Variants in LRRC4C observed in about 807,000 individuals in gnomAD.
The protein encoded by LRRC4C is leucine rich repeat containing 4C.
LRRC4C carries 5 observed loss-of-function variants against 33.6 expected under a neutral mutation model. The observed-to-expected ratio is 0.15, with a 90% confidence interval of 0.08 to 0.31. The LOEUF is 0.31. Among genes scored for constraint, LRRC4C ranks in the 10% least tolerant of loss-of-function variants. The pLI, the probability that LRRC4C is intolerant of heterozygous loss-of-function variation, is 1.00. For synonymous variants in LRRC4C, 329 were observed against 302.0 expected (o/e 1.09, Z -0.93); for missense variants, 560 against 796.7 (o/e 0.70, Z 3.58).
At chr11:40,250,516 G>A (rs761491893) in intron 4 of LRRC4C, among the ~76,000 whole-genome samples, 24 of 151,728 alleles carry the variant, frequency 1.6e-4, no homozygotes, top group Non-Finnish European at 3.1e-4. Flanking sequence ...AAGTAGGGTG[G>A]GTCACTTGAA....
At chr11:40,183,362 G>GA (rs1189019265) in intron 5 of LRRC4C, among the ~76,000 whole-genome samples, 9 of 152,182 alleles carry the variant, frequency 5.9e-5, no homozygotes, top group Non-Finnish European at 8.8e-5. Context: ...CTGTTTGGGG[G>GA]AAAAAATAAC....
intron 3 of LRRC4C, among the ~76,000 whole-genome samples, chr11:40,633,897 T>C (rs150030815): frequency 6.0e-4 from 91 of 152,332 alleles, no homozygotes; most frequent in African/African-American, 2.2e-3. Context: ...AAAAATGAAA[T>C]ACATATATGT....
At chr11:40,654,017 C>T (rs1410534200) in intron 2 of LRRC4C, among the ~76,000 whole-genome samples, 1 of 152,166 alleles carries the variant, frequency 6.6e-6, no homozygotes, top group Non-Finnish European at 1.5e-5. Flanking sequence ...TGGTATTGAT[C>T]CTGAGGGTGC....
At chr11:41,029,162 G>A (rs16935303) in intron 1 of LRRC4C, among the ~76,000 whole-genome samples, 14,319 of 151,740 alleles carry the variant, frequency 0.094, 729 homozygotes, top group African/African-American at 0.12. Context: ...ACTACATTAC[G>A]ATTGAATAGA....
intron 1 of LRRC4C, among the ~76,000 whole-genome samples, chr11:41,100,507 G>T (rs1941105596): frequency 6.6e-6 from 1 of 152,026 alleles, no homozygotes; most frequent in Non-Finnish European, 1.5e-5. Context: ...GTGGAGGTTT[G>T]CAGTGAGCTG....
chr11:40,465,428 A>C (rs1202289072), intron 3 of LRRC4C, among the ~76,000 whole-genome samples: 1 of 152,030 alleles, frequency 6.6e-6, no homozygotes, highest in African/African-American at 2.4e-5. Flanking sequence ...AGACCCTAAA[A>C]GCAAATGCAA....
chr11:41,345,569 C>T (rs905753627), intron 1 of LRRC4C, among the ~76,000 whole-genome samples: 1 of 152,096 alleles, frequency 6.6e-6, no homozygotes, highest in African/African-American at 2.4e-5. Context: ...TTCCCATAGC[C>T]TATTATCTAT....
intron 5 of LRRC4C, among the ~76,000 whole-genome samples, chr11:40,219,459 C>T (rs184635694): frequency 5.5e-4 from 84 of 152,176 alleles, no homozygotes; most frequent in Non-Finnish European, 1.5e-5. Context: ...CTGCTTTATC[C>T]CGAGTACTTA....
At chr11:40,815,588 T>A (rs577934064) in intron 2 of LRRC4C, among the ~76,000 whole-genome samples, 2 of 152,284 alleles carry the variant, frequency 1.3e-5, no homozygotes, top group South Asian at 4.1e-4. Flanking sequence ...CCCATACTTT[T>A]AAAAAATTTC....
At chr11:40,748,990 A>C (rs191472824) in intron 2 of LRRC4C, among the ~76,000 whole-genome samples, 2 of 152,124 alleles carry the variant, frequency 1.3e-5, no homozygotes, top group African/African-American at 4.8e-5. Flanking sequence ...TAAAGCAAAT[A>C]ATACTACATC....
intron 1 of LRRC4C, among the ~76,000 whole-genome samples, chr11:41,439,166 A>T (rs967300547): frequency 1.3e-5 from 2 of 152,166 alleles, no homozygotes; most frequent in African/African-American, 2.4e-5. Context: ...CACGTAGGAT[A>T]ATGGTCTCCA....
Position 40,452,464 on chromosome 11 carries a change from A to G in LRRC4C, c.-269-132743T>C, listed in dbSNP as rs1285803646. On this transcript the variant is annotated intron_variant, in intron 3 of 6. Coordinates refer to ENST00000528697, the MANE Select transcript of LRRC4C (RefSeq NM_001258419.2). Reference sequence around the variant, plus strand: ...ATCACTGGCCATCAAAGAAATGCAAATCAAAACCACAATGAGATACCATCT... The same window carrying G: ...ATCACTGGCCATCAAAGAAATGCAAGTCAAAACCACAATGAGATACCATCT... Among the ~76,000 whole-genome samples the G allele has an allele frequency of 5.9e-5, 9 of 152,234 alleles. No individual in the cohort carries two copies. The East Asian group carries it at 1.7e-3, about 29-fold the overall frequency.
At chr11:41,412,332 AG>A (rs1954519358) in intron 1 of LRRC4C, among the ~76,000 whole-genome samples, 1 of 152,318 alleles carries the variant, frequency 6.6e-6, no homozygotes, top group South Asian at 2.1e-4. Context: ...TTTAGAGATT[AG>A]GTGATGTTTT....
chr11:41,012,163 C>T (rs1855249246), intron 1 of LRRC4C, among the ~76,000 whole-genome samples: 2 of 152,028 alleles, frequency 1.3e-5, no homozygotes, highest in Admixed American at 1.3e-4. Flanking sequence ...ACTGGTCTGT[C>T]AAATAGTAGC....
At chr11:40,175,426 C>A (rs558520976) in intron 5 of LRRC4C, among the ~76,000 whole-genome samples, 2 of 152,332 alleles carry the variant, frequency 1.3e-5, no homozygotes, top group Admixed American at 6.5e-5. Flanking sequence ...CAGCTGAATT[C>A]TTCTACTCAA....
chr11:40,750,280 A>G (rs919247068), intron 2 of LRRC4C, among the ~76,000 whole-genome samples: 1 of 152,124 alleles, frequency 6.6e-6, no homozygotes, highest in Non-Finnish European at 1.5e-5. Context: ...CCAACTATAT[A>G]ATGAAAAACT....
chr11:40,870,175 T>C (rs922225579), intron 2 of LRRC4C, among the ~76,000 whole-genome samples: 2 of 152,190 alleles, frequency 1.3e-5, no homozygotes, highest in Non-Finnish European at 2.9e-5. Flanking sequence ...GGTAAAGTTA[T>C]ATAAAAATAT....
chr11:40,627,336 C>A (rs1289367555), intron 3 of LRRC4C, among the ~76,000 whole-genome samples: 1 of 150,884 alleles, frequency 6.6e-6, no homozygotes, highest in African/African-American at 2.4e-5. Context: ...GAGGAAATAG[C>A]GAATGTTGAA....
At chr11:41,214,728 C>T (rs947544298) in intron 1 of LRRC4C, among the ~76,000 whole-genome samples, 20 of 146,240 alleles carry the variant, frequency 1.4e-4, no homozygotes, top group African/African-American at 4.5e-4. Context: ...CCAGCCTGGG[C>T]GACAGAGCCA....
Sources: gnomAD v4.1 joint callset for allele counts (sites outside exome capture counted in the v4.1 genomes callset) on GRCh38, gnomAD v4.1.1 for gene constraint, MANE v1.5 for transcripts, NCBI Gene and HGNC (gene_info 2026-07-23, HGNC 2026-07-21) for gene names.